HS6ST1: variants seen among roughly 807,000 people sequenced by gnomAD.
The protein encoded by HS6ST1 is heparan-sulfate 6-O-sulfotransferase 1.
Under a neutral mutation model 25.2 loss-of-function variants are expected in HS6ST1, and 3 were observed. The ratio of observed to expected loss-of-function variants is 0.12; its 90% CI spans 0.05 to 0.31. HS6ST1 has a LOEUF of 0.31. Ranked by LOEUF, HS6ST1 falls within the 10% of genes least tolerant of loss-of-function variation. The pLI, the probability that HS6ST1 is intolerant of heterozygous loss-of-function variation, is 1.00. For synonymous variants in HS6ST1, 204 were observed against 275.1 expected, an observed-to-expected ratio of 0.74 and a Z score of 2.56; for missense variants, 310 against 609.6, an observed-to-expected ratio of 0.51 and a Z score of 5.18.
intron 1 of HS6ST1, among the ~76,000 whole-genome samples, chr2:128,310,539 G>C (rs545680436): frequency 2.6e-5 from 4 of 152,194 alleles, no homozygotes; most frequent in Non-Finnish European, 4.4e-5. Context: ...TGGCATGGAG[G>C]GGGAGAGCTG....
At chr2:128,293,916 C>T (rs1234119327) in intron 1 of HS6ST1, among the ~76,000 whole-genome samples, 1 of 152,196 alleles carries the variant, frequency 6.6e-6, no homozygotes, top group Non-Finnish European at 1.5e-5. Context: ...AGAAGCTGAC[C>T]CAGTCCTGCT....
At chr2:128,281,828 T>C (rs927357973) in intron 1 of HS6ST1, among the ~76,000 whole-genome samples, 2 of 152,218 alleles carry the variant, frequency 1.3e-5, no homozygotes, top group Non-Finnish European at 2.9e-5. Flanking sequence ...GAATTATTAA[T>C]TTACTGAACT....
intron 1 of HS6ST1, among the ~76,000 whole-genome samples, chr2:128,299,160 G>A (rs907959911): frequency 6.6e-6 from 1 of 152,228 alleles, no homozygotes; most frequent in African/African-American, 2.4e-5. Context: ...AGCAGGCTTC[G>A]CAAGTGCCTG....
At chr2:128,315,230 C>T (rs1694344314) in intron 1 of HS6ST1, among the ~76,000 whole-genome samples, 1 of 152,246 alleles carries the variant, frequency 6.6e-6, no homozygotes, top group African/African-American at 2.4e-5. Flanking sequence ...GGCAGCCAAG[C>T]ACTAACAGCC....
intron 1 of HS6ST1, among the ~76,000 whole-genome samples, chr2:128,280,285 G>A (rs762870357): frequency 2.5e-4 from 38 of 152,252 alleles, no homozygotes; most frequent in Non-Finnish European, 4.1e-4. Flanking sequence ...CCTCTTTCCT[G>A]TGGCAGGAAG....
intron 1 of HS6ST1, among the ~76,000 whole-genome samples, chr2:128,272,485 A>G (rs143899304): frequency 7.4e-4 from 112 of 152,274 alleles, no homozygotes; most frequent in African/African-American, 2.2e-3. Flanking sequence ...ACTGACCATC[A>G]CGGGTGGGGG....
chr2:128,271,792 G>A (rs1284848116), intron 1 of HS6ST1, among the ~76,000 whole-genome samples: 11 of 152,228 alleles, frequency 7.2e-5, no homozygotes, highest in Non-Finnish European at 1.3e-4. Flanking sequence ...TTGACCCGAG[G>A]GCTTTCCCCT....
At chr2:128,290,983 T>C (rs1328187617) in intron 1 of HS6ST1, among the ~76,000 whole-genome samples, 1 of 150,004 alleles carries the variant, frequency 6.7e-6, no homozygotes, top group African/African-American at 2.4e-5. Context: ...CTGTCTCAAA[T>C]TAAAAAAAAA....
chr2:128,275,742 T>C (rs1386978290), intron 1 of HS6ST1, among the ~76,000 whole-genome samples: 3 of 152,176 alleles, frequency 2.0e-5, no homozygotes, highest in African/African-American at 7.2e-5. Context: ...TGCTTACGGA[T>C]GTGAACGAGA....
intron 1 of HS6ST1, among the ~76,000 whole-genome samples, chr2:128,313,644 G>A (rs1242956381): frequency 6.6e-6 from 1 of 152,162 alleles, no homozygotes; most frequent in Admixed American, 6.5e-5. Flanking sequence ...CCTGGAGGAT[G>A]CCAGACCCAA....
intron 1 of HS6ST1, among the ~76,000 whole-genome samples, chr2:128,288,455 G>A (rs1161924262): frequency 6.6e-6 from 1 of 152,152 alleles, no homozygotes; most frequent in African/African-American, 2.4e-5. Flanking sequence ...GCCCTTCTGG[G>A]GACTCTGCAT....
chr2:128,278,976 G>A (rs1389633961), intron 1 of HS6ST1, among the ~76,000 whole-genome samples: 2 of 152,112 alleles, frequency 1.3e-5, no homozygotes, highest in African/African-American at 4.8e-5. Flanking sequence ...AACCTAATAG[G>A]AAATATGACC....
intron 1 of HS6ST1, among the ~76,000 whole-genome samples, chr2:128,277,073 C>A (rs78438534): frequency 2.6e-5 from 4 of 152,074 alleles, no homozygotes; most frequent in Non-Finnish European, 5.9e-5. Context: ...AGGTCCTGCC[C>A]GGCCCAAGCA....
intron 1 of HS6ST1, among the ~76,000 whole-genome samples, chr2:128,311,755 T>TG (rs1694292473): frequency 6.6e-6 from 1 of 152,206 alleles, no homozygotes; most frequent in Admixed American, 6.5e-5. Flanking sequence ...AGCAGAGGGA[T>TG]GGCCTAGACC....
intron 1 of HS6ST1, among the ~76,000 whole-genome samples, chr2:128,291,026 C>T (rs1693943764): frequency 6.6e-6 from 1 of 152,080 alleles, no homozygotes; most frequent in South Asian, 2.1e-4. Flanking sequence ...TCCCCAAAAC[C>T]TAGAGCAAGC....
In HS6ST1 at chr2:128,296,480, C is replaced by T. The variant is rs796574797; in HGVS notation, c.527+21557G>A. 3.9e-5 allele frequency among the ~76,000 whole-genome samples: 6 copies of T among 152,350 alleles called. 1 individual carries two copies. The highest frequency in any genetic ancestry group is 1.4e-4 in the African/African-American group (6 of 41,584). On this transcript the variant is annotated intron_variant, in intron 1 of 1. Transcript: ENST00000259241. ...GATAATGCTAAAGAATCCACTTCCA[C>T]ACACAAAAACCTGTTAGAGCTAATA...
intron 1 of HS6ST1, among the ~76,000 whole-genome samples, chr2:128,271,353 C>T (rs568621261): frequency 3.9e-5 from 6 of 152,256 alleles, no homozygotes; most frequent in African/African-American, 1.4e-4. Context: ...CAGCGCTGGG[C>T]CTAATGACTG....
intron 1 of HS6ST1, among the ~76,000 whole-genome samples, chr2:128,310,601 C>T (rs1328482496): frequency 3.9e-5 from 6 of 152,258 alleles, no homozygotes; most frequent in African/African-American, 1.4e-4. Context: ...ATCTTCACCA[C>T]GGCTGGGGTA....
intron 1 of HS6ST1, among the ~76,000 whole-genome samples, chr2:128,298,674 G>A (rs1437202983): frequency 6.6e-6 from 1 of 152,172 alleles, no homozygotes; most frequent in Non-Finnish European, 1.5e-5. Context: ...TGAGGAGTTC[G>A]TGTTTAATGG....
Sources: allele counts gnomAD v4.1 joint callset (sites outside exome capture counted in the v4.1 genomes callset), GRCh38; gene constraint gnomAD v4.1.1; transcripts MANE v1.5; gene names NCBI Gene and HGNC (gene_info 2026-07-23, HGNC 2026-07-21).